The following ACVR1 variants were observed in gnomAD, a reference collection of about 807,000 sequenced individuals.
ACVR1 encodes activin A receptor type 1.
A neutral mutation model predicts 57.1 loss-of-function variants in ACVR1; 38 were observed. The observed-to-expected ratio is 0.67, with a 90% CI of 0.51 to 0.87. The LOEUF is 0.87. Among genes scored for constraint, ACVR1 ranks in the 40% least tolerant of loss-of-function variants. The pLI is 0.00. For synonymous variants in ACVR1, 212 were observed against 228.1 expected, an observed-to-expected ratio of 0.93 and a Z score of 0.63; for missense variants, 463 against 638.2, an observed-to-expected ratio of 0.73 and a Z score of 2.96.
chr2:157,803,892 CAAT>C (rs1025439202), intron 2 of ACVR1, among the ~76,000 whole-genome samples: 4 of 150,514 alleles, frequency 2.7e-5, no homozygotes, highest in Non-Finnish European at 5.9e-5. Context: ...AATAAAATAA[CAAT>C]AACATACTAC....
chr2:157,780,307 T>C, intron 4 of ACVR1, 30 bp downstream of exon 4: 3 of 1,613,964 alleles, frequency 1.9e-6, no homozygotes, highest in Non-Finnish European at 2.5e-6. Flanking sequence ...CAAAACCCCT[T>C]GATCTAGAAA....
chr2:157,788,161 C>A (rs1332121747), intron 3 of ACVR1, among the ~76,000 whole-genome samples: 1 of 152,184 alleles, frequency 6.6e-6, no homozygotes, highest in Non-Finnish European at 1.5e-5. Context: ...CACAACCTAT[C>A]CTGCCCCACA....
chr2:157,813,816 C>T (rs1295536228), intron 2 of ACVR1, among the ~76,000 whole-genome samples: 1 of 152,164 alleles, frequency 6.6e-6, no homozygotes, highest in Non-Finnish European at 1.5e-5. Flanking sequence ...CAACCTAACC[C>T]TAATTAATAC....
chr2:157,772,795 T>G (rs1394294401), intron 6 of ACVR1, among the ~76,000 whole-genome samples: 1 of 152,186 alleles, frequency 6.6e-6, no homozygotes, highest in African/African-American at 2.4e-5. Flanking sequence ...CCATCTTTAT[T>G]TTCTCCATTC....
At chr2:157,844,607 T>TA (rs1689072958) in intron 1 of ACVR1, among the ~76,000 whole-genome samples, 1 of 152,086 alleles carries the variant, frequency 6.6e-6, no homozygotes, top group Non-Finnish European at 1.5e-5. Flanking sequence ...TATTTAAAAA[T>TA]AAAAAAATTG....
At chr2:157,796,590 T>C (rs1300562843) in intron 3 of ACVR1, among the ~76,000 whole-genome samples, 2 of 151,926 alleles carry the variant, frequency 1.3e-5, no homozygotes, top group African/African-American at 4.8e-5. Context: ...AAAAATATCA[T>C]ATAGAATTGA....
At chr2:157,807,696 CCT>C (rs1687600314) in intron 2 of ACVR1, among the ~76,000 whole-genome samples, 1 of 151,940 alleles carries the variant, frequency 6.6e-6, no homozygotes, top group Non-Finnish European at 1.5e-5. Context: ...CTGTCTCAGT[CCT>C]CTGTCTCATT....
chr2:157,786,589 A>C (rs1365106872), intron 3 of ACVR1, among the ~76,000 whole-genome samples: 1 of 152,162 alleles, frequency 6.6e-6, no homozygotes, highest in Admixed American at 6.5e-5. Context: ...TAGAAGATTA[A>C]TATTTTGTGG....
intron 1 of ACVR1, among the ~76,000 whole-genome samples, chr2:157,863,020 T>G (rs1689774953): frequency 9.1e-6 from 1 of 110,358 alleles, no homozygotes. Context: ...ACTTTTTTTT[T>G]TTTTTTTTTT....
intron 7 of ACVR1, among the ~76,000 whole-genome samples, chr2:157,769,257 C>T (rs1345852211): frequency 6.6e-6 from 1 of 152,138 alleles, no homozygotes; most frequent in Non-Finnish European, 1.5e-5. Flanking sequence ...ACCAGGGAGT[C>T]TTGAATACCA....
chr2:157,773,759 A>G (rs1342805398), intron 6 of ACVR1, among the ~76,000 whole-genome samples: 1 of 152,258 alleles, frequency 6.6e-6, no homozygotes, highest in Non-Finnish European at 1.5e-5. Context: ...CCAAAAGCCT[A>G]CTTACTTCAG....
chr2:157,849,863 T>C (rs1023030708), intron 1 of ACVR1, among the ~76,000 whole-genome samples: 3 of 152,230 alleles, frequency 2.0e-5, no homozygotes, highest in African/African-American at 7.2e-5. Flanking sequence ...GTGTCAGTGT[T>C]TCCTGTTCTG....
intron 8 of ACVR1, among the ~76,000 whole-genome samples, chr2:157,765,698 GA>G (rs1574037485): frequency 6.6e-6 from 1 of 152,188 alleles, no homozygotes; most frequent in African/African-American, 2.4e-5. Context: ...TGGACTGATG[GA>G]TGGGGAGATG....
In ACVR1 at chr2:157,799,446, G is replaced by T. The variant is rs1335695106; in HGVS notation, c.48C>A (p.Leu16=). 6.2e-7 allele frequency: 1 copy of T among 1,612,320 alleles called. No homozygotes were observed. Among genetic ancestry groups the T allele is most frequent in the Non-Finnish European group, 8.5e-7 (1 of 1,178,794 alleles). The change falls in exon 3 of 11, where the codon CTC becomes CTA. Residue 16 remains leucine (L), a synonymous_variant. Coordinates refer to ENST00000434821, the MANE Select transcript of ACVR1 (RefSeq NM_001111067.4). ...MILPVLIMIA[L]PSPSMEDEKP... ...ACTTACCTTCCATACTAGGGGAGGG[G>T]AGAGCAATCATGATAAGCACAGGAA...
chr2:157,813,857 TA>T lies in ACVR1; in HGVS notation c.-8+4527del, dbSNP rs1687840474. 5.3e-5 allele frequency among the ~76,000 whole-genome samples: 8 copies of T among 152,228 alleles called. No homozygotes were observed. The South Asian group carries it at 1.7e-3, about 31-fold the overall frequency. ...CTAGAGAAAAATTCATTTGAATTCA[TA>T]CCTAATATTTCAGATGGATCAAAGA... On this transcript the variant is annotated intron_variant, in intron 2 of 10. Coordinates refer to ENST00000434821, the MANE Select transcript of ACVR1 (RefSeq NM_001111067.4).
chr2:157,833,933 T>G (rs1298747227), intron 1 of ACVR1, among the ~76,000 whole-genome samples: 1 of 152,206 alleles, frequency 6.6e-6, no homozygotes, highest in Non-Finnish European at 1.5e-5. Flanking sequence ...GCACTCAGGC[T>G]TAAGACAACA....
intron 2 of ACVR1, among the ~76,000 whole-genome samples, chr2:157,809,435 T>A (rs1687670984): frequency 6.6e-6 from 1 of 151,886 alleles, no homozygotes; most frequent in Non-Finnish European, 1.5e-5. Context: ...ATAAATATGA[T>A]CATGAGAAAG....
chr2:157,875,394 T>C (rs1406985325), intron 1 of ACVR1: 2 of 152,794 alleles, frequency 1.3e-5, no homozygotes, highest in Admixed American at 1.3e-4. Flanking sequence ...ATCTATCTCC[T>C]TACTCTCTAC....
intron 1 of ACVR1, among the ~76,000 whole-genome samples, chr2:157,820,585 T>C (rs1364273280): frequency 2.0e-5 from 3 of 152,096 alleles, no homozygotes; most frequent in Non-Finnish European, 4.4e-5. Flanking sequence ...TTTTTTTTTT[T>C]TTCTCATTAT....
Sources: allele counts gnomAD v4.1 joint callset (sites outside exome capture counted in the v4.1 genomes callset), GRCh38; gene constraint gnomAD v4.1.1; transcripts MANE v1.5; gene names NCBI Gene and HGNC (gene_info 2026-07-23, HGNC 2026-07-21).